Variants in SLC29A3 observed in about 807,000 individuals in gnomAD.
The protein encoded by SLC29A3 is solute carrier family 29 member 3.
SLC29A3 carries 18 observed loss-of-function variants against 25.4 expected under a neutral mutation model. The observed-to-expected ratio is 0.71, with a 90% CI of 0.49 to 1.05. The LOEUF (loss-of-function observed/expected upper bound fraction) is 1.05. SLC29A3 is among the 50% of genes least tolerant of loss of function. The pLI is 0.00. For synonymous variants in SLC29A3, 258 were observed against 267.1 expected (o/e 0.97, Z 0.33); for missense variants, 586 against 609.0 (o/e 0.96, Z 0.40).
chr10:71,355,196 C>CAG (rs1846869425), intron 4 of SLC29A3, among the ~76,000 whole-genome samples: 1 of 152,186 alleles, frequency 6.6e-6, no homozygotes, highest in African/African-American at 2.4e-5. Context: ...ACTGTAAAGT[C>CAG]AGAGAAGCCA....
Position 71,356,243 on chromosome 10 carries a change from G to C in SLC29A3, c.773G>C (p.Arg258Thr), listed in dbSNP as rs770709675. ...CTGCTGTCCAGGCTGGAGTATGCCA[G>C]GTGAAGGTGCCACTCACTGTCCATG... is the stretch of plus-strand genomic sequence containing the variant. ...YLLLSRLEYA[R>T]YYMRPVLAAH... is the part of the protein sequence containing the mutation. The change falls in exon 5 of 6, where the codon AGG becomes ACG. Residue 258 changes from arginine to threonine, a missense_variant and splice_region_variant. Coordinates refer to ENST00000373189, the MANE Select transcript of SLC29A3 (RefSeq NM_018344.6). 6.2e-7 allele frequency: 1 copy of C among 1,613,210 alleles called. No individual in the cohort carries two copies. The highest frequency in any genetic ancestry group is 8.5e-7 in the Non-Finnish European group (1 of 1,180,032).
At chr10:71,340,797 A>G (rs1157805472) in intron 2 of SLC29A3, among the ~76,000 whole-genome samples, 4 of 152,208 alleles carry the variant, frequency 2.6e-5, no homozygotes, top group Non-Finnish European at 5.9e-5. Flanking sequence ...CCTGGCTACA[A>G]AGTAAATAAT....
At chr10:71,329,417 C>T (rs1419168587) in intron 2 of SLC29A3, among the ~76,000 whole-genome samples, 1 of 144,124 alleles carries the variant, frequency 6.9e-6, no homozygotes, top group Non-Finnish European at 1.5e-5. Flanking sequence ...ATGATCGTGG[C>T]ACTGCACTCC....
chr10:71,356,693 G>C (rs547595846), intron 5 of SLC29A3, among the ~76,000 whole-genome samples: 1 of 152,252 alleles, frequency 6.6e-6, no homozygotes, highest in African/African-American at 2.4e-5. Flanking sequence ...GGGCATGGCC[G>C]CATGTGCCTC....
intron 2 of SLC29A3, among the ~76,000 whole-genome samples, chr10:71,323,258 G>A (rs1412526936): frequency 6.6e-6 from 1 of 152,266 alleles, no homozygotes; most frequent in African/African-American, 2.4e-5. Flanking sequence ...GGGATGTGAA[G>A]GTATGGACTG....
rs895700487 is a variant in SLC29A3, at chr10:71,362,933, G to A, written c.*325G>A. 1 of 527,190 alleles carries A rather than the reference G, an allele frequency of 1.9e-6. No individual in the cohort carries two copies. Among genetic ancestry groups the A allele is most frequent in the Non-Finnish European group, 3.6e-6 (1 of 275,358 alleles). The allele number at this position is 527,190 out of a possible 1,614,324, so 32.7% of individuals were successfully genotyped here. A position where few individuals can be genotyped will look rare whatever the true frequency, so the allele number is the denominator to read the frequency against. On this transcript the variant is annotated 3_prime_UTR_variant, in exon 6 of 6. Coordinates refer to ENST00000373189, the MANE Select transcript of SLC29A3 (RefSeq NM_018344.6). ...AAAGATGCTGCCAGTGTTCGCCCTAGAGTTATTACAAAGCCAGTGCCAAAA... is the reference window on the plus strand; with the variant it reads ...AAAGATGCTGCCAGTGTTCGCCCTAAAGTTATTACAAAGCCAGTGCCAAAA...
chr10:71,362,618 C>T lies in SLC29A3; in HGVS notation c.*10C>T, dbSNP rs768930216. ...GGTGCACCTCATCTAGAAGGGAGGACACAAGGACATTGGTGCTTCAGAGCC... is the reference window on the plus strand; with the variant it reads ...GGTGCACCTCATCTAGAAGGGAGGATACAAGGACATTGGTGCTTCAGAGCC... On this transcript the variant is annotated 3_prime_UTR_variant, in exon 6 of 6. Transcript: ENST00000373189. The T allele has an allele frequency of 1.2e-6, 2 of 1,614,080 alleles. No homozygotes were observed. Among genetic ancestry groups the T allele is most frequent in the Non-Finnish European group, 1.7e-6 (2 of 1,180,030 alleles).
At chr10:71,328,406 C>T (rs1231374985) in intron 2 of SLC29A3, among the ~76,000 whole-genome samples, 1 of 152,208 alleles carries the variant, frequency 6.6e-6, no homozygotes. Flanking sequence ...TCCTGCCCTA[C>T]AGCTCATGGA....
downstream of SLC29A3, among the ~76,000 whole-genome samples, chr10:71,367,219 G>A (rs769199207): frequency 6.6e-6 from 1 of 152,200 alleles, no homozygotes; most frequent in Non-Finnish European, 1.5e-5. Context: ...AGAGCCTGGA[G>A]ATGATAGACT....
rs764932516 is a variant in SLC29A3 at position 71,362,141 on chromosome 10, C to G, written c.961C>G (p.Leu321Val). Residue 321 changes from leucine to valine, a missense_variant, in exon 6 of 6, where the codon CTC becomes GTC. Physicochemically the swap from Leu to Val is conservative, Grantham distance 32 (BLOSUM62 1). Coordinates refer to ENST00000373189, the MANE Select transcript of SLC29A3 (RefSeq NM_018344.6). ...CACCTACGTCTTCTTCATCACCAGC[C>G]TCATCTACCCCGCCATCTGCACCAA... The part of the protein sequence containing the change: ...CVTYVFFITS[L>V]IYPAICTNIE... The G allele has an allele frequency of 6.2e-7, 1 of 1,614,110 alleles. No homozygotes were observed. Among genetic ancestry groups the G allele is most frequent in the East Asian group, 2.2e-5 (1 of 44,878 alleles).
intron 3 of SLC29A3, among the ~76,000 whole-genome samples, chr10:71,368,574 T>TC (rs1847187336): frequency 6.6e-6 from 1 of 152,166 alleles, no homozygotes; most frequent in African/African-American, 2.4e-5. Context: ...AAGCTGGAAA[T>TC]CCAAGACCCC....
chr10:71,327,951 C>T (rs948005783), intron 2 of SLC29A3, among the ~76,000 whole-genome samples: 2 of 152,134 alleles, frequency 1.3e-5, no homozygotes, highest in Admixed American at 1.3e-4. Flanking sequence ...CCAGGCTCTC[C>T]TGCAGGCCTG....
chr10:71,362,064 C>A lies in SLC29A3; in HGVS notation c.884C>A (p.Thr295Lys), dbSNP rs756896677. The A allele has an allele frequency of 1.2e-6, 2 of 1,614,164 alleles. No homozygotes were observed. Among genetic ancestry groups the A allele is most frequent in the Admixed American group, 3.3e-5 (2 of 60,016 alleles). Residue 295 changes from threonine (T) to lysine (K), a missense_variant, in exon 6 of 6, where the codon ACA (threonine) becomes AAA (lysine). Transcript: ENST00000373189. ...SVASRFIDSH[T>K]PPLRPILKKT... ...GCCTCCAGATTCATTGATTCCCACA[C>A]ACCCCCTCTCCGCCCCATCCTGAAG...
intron 3 of SLC29A3, among the ~76,000 whole-genome samples, chr10:71,349,229 T>C (rs1846679409): frequency 6.6e-6 from 1 of 152,184 alleles, no homozygotes; most frequent in African/African-American, 2.4e-5. Flanking sequence ...GTACCCACAA[T>C]AAAAGGATGT....
At chr10:71,322,388 G>C (rs1462128807) in intron 1 of SLC29A3, among the ~76,000 whole-genome samples, 2 of 152,158 alleles carry the variant, frequency 1.3e-5, no homozygotes, top group Non-Finnish European at 2.9e-5. Context: ...TGGCTGCACA[G>C]AACTGTGAAT....
chr10:71,362,275 C>T lies in SLC29A3; in HGVS notation c.1095C>T (p.Leu365=), dbSNP rs1381822078. The stretch of plus-strand genomic sequence containing the variant: ...TTGCTGACCTATGTGGCCGGCAGCT[C>T]ACCGCCTGGATCCAGGTGCCAGGGC... ...YNFADLCGRQ[L]TAWIQVPGPN... The change falls in exon 6 of 6, where the codon CTC becomes CTT. Residue 365 remains leucine, a synonymous_variant. Coordinates refer to ENST00000373189, the MANE Select transcript of SLC29A3 (RefSeq NM_018344.6). 2.5e-6 allele frequency: 4 copies of T among 1,614,214 alleles called. No homozygotes were observed. Among genetic ancestry groups the T allele is most frequent in the Non-Finnish European group, 3.4e-6 (4 of 1,180,034 alleles).
intron 5 of SLC29A3, among the ~76,000 whole-genome samples, chr10:71,357,259 C>T (rs893378609): frequency 2.0e-5 from 3 of 151,914 alleles, no homozygotes; most frequent in Admixed American, 1.3e-4. Flanking sequence ...ACTAAAAATA[C>T]AAAAAATTAG....
In SLC29A3 at chr10:71,362,052, T is replaced by C. The variant is rs763608414; in HGVS notation, c.872T>C (p.Ile291Thr). The C allele has an allele frequency of 8.7e-6, 14 of 1,613,990 alleles. No homozygotes were observed. The highest frequency in any genetic ancestry group is 1.3e-5 in the African/African-American group (1 of 74,904). The change falls in exon 6 of 6, where the codon ATT (isoleucine) becomes ACT (threonine). Residue 291 changes from isoleucine to threonine, a missense_variant. Coordinates refer to ENST00000373189, the MANE Select transcript of SLC29A3 (RefSeq NM_018344.6). ...LSAPSVASRF[I>T]DSHTPPLRPI... is the part of the protein sequence containing the mutation. Reference sequence around the variant, plus strand: ...GCCCCTTCGGTGGCCTCCAGATTCATTGATTCCCACACACCCCCTCTCCGC... The same window carrying C: ...GCCCCTTCGGTGGCCTCCAGATTCACTGATTCCCACACACCCCCTCTCCGC...
chr10:71,353,752 C>T (rs138642253), intron 4 of SLC29A3, among the ~76,000 whole-genome samples: 207 of 152,238 alleles, frequency 1.4e-3, no homozygotes, highest in African/African-American at 4.3e-3. Context: ...CTGTGAATTC[C>T]GCACGCGTTG....
Sources: allele counts gnomAD v4.1 joint callset (sites outside exome capture counted in the v4.1 genomes callset), GRCh38; gene constraint gnomAD v4.1.1; transcripts MANE v1.5; gene names NCBI Gene and HGNC (gene_info 2026-07-23, HGNC 2026-07-21).